Variants in PDE1C observed in about 807,000 individuals in gnomAD.
The protein encoded by PDE1C is phosphodiesterase 1C.
A neutral mutation model predicts 93.1 loss-of-function variants in PDE1C; 62 were observed. That is an observed-to-expected ratio of 0.67 (90% CI 0.54 to 0.82). The LOEUF is 0.82. PDE1C is among the 40% of genes least tolerant of loss of function. The pLI is 0.00. For missense variants in PDE1C, 742 were observed against 884.6 expected, an observed-to-expected ratio of 0.84 and a Z score of 2.04; for synonymous variants, 325 against 310.1, an observed-to-expected ratio of 1.05 and a Z score of -0.50.
At chr7:31,870,150 G>A (rs1395315609) in intron 6 of PDE1C, among the ~76,000 whole-genome samples, 1 of 151,848 alleles carries the variant, frequency 6.6e-6, no homozygotes, top group Admixed American at 6.6e-5. Flanking sequence ...CATCCAAAAA[G>A]TAGAAAAATT....
At chr7:32,084,586 G>T (rs916383872) in intron 3 of PDE1C, among the ~76,000 whole-genome samples, 1 of 151,918 alleles carries the variant, frequency 6.6e-6, no homozygotes, top group South Asian at 2.1e-4. Context: ...TTCCAAAATT[G>T]CACACATAGT....
intron 2 of PDE1C, among the ~76,000 whole-genome samples, chr7:31,991,190 T>C (rs1308003140): frequency 6.6e-6 from 1 of 152,228 alleles, no homozygotes; most frequent in Non-Finnish European, 1.5e-5. Flanking sequence ...TATATCTTCC[T>C]ATAGAAATGA....
chr7:31,863,078 CAT>C (rs1794868703), intron 7 of PDE1C, among the ~76,000 whole-genome samples: 1 of 152,148 alleles, frequency 6.6e-6, no homozygotes, highest in Admixed American at 6.6e-5. Context: ...GGGAAACTGA[CAT>C]CTATATAGTA....
At chr7:31,674,006 G>C in the PDE1C span, among the ~76,000 whole-genome samples, 5 of 152,112 alleles carry the variant, frequency 3.3e-5, no homozygotes, top group Admixed American at 1.3e-4. Context: ...TACTATGTGT[G>C]TATTTTTTTG....
the PDE1C span, chr7:31,658,542 C>A: frequency 2.1e-6 from 1 of 484,318 alleles, no homozygotes; most frequent in Non-Finnish European, 3.3e-6. Context: ...TGGTGGGTTG[C>A]ATACGTAATT....
chr7:32,421,813 G>A (rs1394043932), intron 1 of PDE1C, among the ~76,000 whole-genome samples: 1 of 152,062 alleles, frequency 6.6e-6, no homozygotes, highest in East Asian at 1.9e-4. Flanking sequence ...GGCTGTCTAG[G>A]GGCTTTATAA....
intron 1 of PDE1C, among the ~76,000 whole-genome samples, chr7:32,344,853 A>C (rs985164218): frequency 6.6e-6 from 1 of 152,214 alleles, no homozygotes; most frequent in Non-Finnish European, 1.5e-5. Flanking sequence ...AGTGCCTGGT[A>C]CATAATAGGG....
chr7:32,347,897 C>T (rs1420625591), intron 1 of PDE1C, among the ~76,000 whole-genome samples: 6 of 152,212 alleles, frequency 3.9e-5, no homozygotes, highest in Non-Finnish European at 1.5e-5. Flanking sequence ...GCTGTGCCAA[C>T]CTCCCAACTG....
chr7:32,168,365 C>T (rs879900076), intron 3 of PDE1C, among the ~76,000 whole-genome samples: 1 of 152,170 alleles, frequency 6.6e-6, no homozygotes, highest in Admixed American at 6.5e-5. Context: ...GCAAACAAAA[C>T]AGATGATGGT....
chr7:31,711,057 A>G, the PDE1C span, among the ~76,000 whole-genome samples: 4 of 152,216 alleles, frequency 2.6e-5, no homozygotes, highest in Non-Finnish European at 4.4e-5. Context: ...CAGCAAGATG[A>G]GACTCCTCCA....
chr7:32,000,955 T>A (rs1012328933), intron 2 of PDE1C, among the ~76,000 whole-genome samples: 1 of 152,100 alleles, frequency 6.6e-6, no homozygotes, highest in Non-Finnish European at 1.5e-5. Context: ...TCGAGATTGA[T>A]CTCTCCACGT....
At chr7:31,721,835 T>C in the PDE1C span, among the ~76,000 whole-genome samples, 1 of 152,196 alleles carries the variant, frequency 6.6e-6, no homozygotes, top group African/African-American at 2.4e-5. Context: ...CTAAAGGGGC[T>C]GGAAGGAAAA....
intron 3 of PDE1C, among the ~76,000 whole-genome samples, chr7:32,169,539 G>A (rs1802514296): frequency 6.6e-6 from 1 of 152,094 alleles, no homozygotes; most frequent in Admixed American, 6.6e-5. Context: ...CTCTACCTCA[G>A]CATTTAAATG....
chr7:31,659,982 A>G, the PDE1C span, among the ~76,000 whole-genome samples: 14 of 152,104 alleles, frequency 9.2e-5, no homozygotes, highest in Non-Finnish European at 1.8e-4. Context: ...AGTTGTCCTC[A>G]TGTTGTTCTC....
the PDE1C span, among the ~76,000 whole-genome samples, chr7:31,621,011 TG>T: frequency 6.6e-6 from 1 of 151,680 alleles, no homozygotes; most frequent in Non-Finnish European, 1.5e-5. Flanking sequence ...GTATCAGTGA[TG>T]GAAGATGAAA....
chr7:31,815,678 A>G (rs200104005), intron 15 of PDE1C, among the ~76,000 whole-genome samples: 2 of 100,126 alleles, frequency 2.0e-5, no homozygotes, highest in Admixed American at 9.6e-5. Flanking sequence ...GGCACTGGCT[A>G]GAGTCTCCAG....
At chr7:31,970,457 G>A (rs900924619) in intron 2 of PDE1C, among the ~76,000 whole-genome samples, 2 of 152,206 alleles carry the variant, frequency 1.3e-5, no homozygotes, top group African/African-American at 4.8e-5. Context: ...AATAGCATGT[G>A]TTTCTAAGAT....
At chr7:31,886,829 C>G (rs1797967475) in intron 2 of PDE1C, among the ~76,000 whole-genome samples, 1 of 152,276 alleles carries the variant, frequency 6.6e-6, no homozygotes, top group Non-Finnish European at 1.5e-5. Context: ...CGGATCTTTT[C>G]AGAATAGATC....
chr7:31,700,457 T>C, the PDE1C span, among the ~76,000 whole-genome samples: 1 of 152,130 alleles, frequency 6.6e-6, no homozygotes, highest in Non-Finnish European at 1.5e-5. Context: ...TTCATGATAT[T>C]TAAGGAAAGA....
Sources: gnomAD v4.1 joint callset for allele counts (sites outside exome capture counted in the v4.1 genomes callset) on GRCh38, gnomAD v4.1.1 for gene constraint, MANE v1.5 for transcripts, NCBI Gene and HGNC (gene_info 2026-07-23, HGNC 2026-07-21) for gene names.